The following MON2 variants were observed in gnomAD, a reference collection of about 807,000 sequenced individuals.
MON2 encodes protein MON2 homolog.
MON2 carries 84 observed loss-of-function variants against 208.6 expected under a neutral mutation model. The observed-to-expected ratio is 0.40, with a 90% CI of 0.34 to 0.48. MON2 has a LOEUF of 0.48. Ranked by LOEUF, MON2 falls within the 20% of genes least tolerant of loss-of-function variation. MON2 has a pLI of 0.59. For synonymous variants in MON2, 660 were observed against 694.0 expected (o/e 0.95, Z 0.77); for missense variants, 1,611 against 2,015.4 (o/e 0.80, Z 3.84).
chr12:62,571,660 A>AAAG, intron 30 of MON2, 78 bp downstream of exon 30: 1 of 1,175,244 alleles, frequency 8.5e-7, no homozygotes, highest in Non-Finnish European at 1.2e-6. Flanking sequence ...AGTTGTCTTT[A>AAAG]TTCATTAACA....
intron 5 of MON2, among the ~76,000 whole-genome samples, chr12:62,499,279 G>A (rs898018894): frequency 2.6e-5 from 4 of 152,096 alleles, no homozygotes; most frequent in African/African-American, 7.2e-5. Flanking sequence ...TTTAAACCAA[G>A]TATTGCATTA....
chr12:62,486,500 A>G (rs371271871), intron 2 of MON2, among the ~76,000 whole-genome samples: 1 of 152,166 alleles, frequency 6.6e-6, no homozygotes, highest in Non-Finnish European at 1.5e-5. Context: ...CAGAGCCCAT[A>G]TACTTGAGGA....
Position 62,501,651 on chromosome 12 carries a change from G to A in MON2, c.742G>A (p.Glu248Lys), listed in dbSNP as rs770967560. ...MTEMTRTFGL[E>K]LLESVLNDFP... ...AGAAATGACTCGGACGTTTGGCCTC[G>A]AATTACTTGAGTCAGTCCTCAATGA... The change falls in exon 7 of 35, where the codon GAA becomes AAA. Residue 248 changes from glutamate to lysine, a missense_variant. Glu to Lys is a moderately conservative substitution (Grantham distance 56). Coordinates refer to ENST00000393630, the MANE Select transcript of MON2 (RefSeq NM_015026.3). 6.2e-7 allele frequency: 1 copy of A among 1,614,134 alleles called. No individual in the cohort carries two copies. The highest frequency in any genetic ancestry group is 8.5e-7 in the Non-Finnish European group (1 of 1,180,002).
intron 12 of MON2, among the ~76,000 whole-genome samples, chr12:62,533,946 C>T (rs1481456691): frequency 6.6e-6 from 1 of 152,174 alleles, no homozygotes; most frequent in African/African-American, 2.4e-5. Flanking sequence ...GGAACCTGCT[C>T]ACATTTTGCT....
intron 8 of MON2, among the ~76,000 whole-genome samples, chr12:62,510,165 A>T (rs1211772929): frequency 6.6e-6 from 1 of 152,178 alleles, no homozygotes; most frequent in African/African-American, 2.4e-5. Flanking sequence ...TTAATAATGA[A>T]AAACCTTCCA....
intron 23 of MON2, among the ~76,000 whole-genome samples, chr12:62,550,909 CTTTTTTTTTTTTT>C (rs869160726): frequency 1.4e-4 from 6 of 43,810 alleles, no homozygotes; most frequent in Admixed American, 7.3e-4. Flanking sequence ...TTCTTTCTTT[CTTTTTTTTTTTTT>C]TTTTTTTTTT....
chr12:62,507,702 C>A (rs1337099530), intron 7 of MON2, among the ~76,000 whole-genome samples: 1 of 152,148 alleles, frequency 6.6e-6, no homozygotes, highest in Non-Finnish European at 1.5e-5. Context: ...TTACTTACTT[C>A]TAAAATCATT....
At chr12:62,513,671 G>A (rs2071532181) in intron 8 of MON2, among the ~76,000 whole-genome samples, 1 of 152,024 alleles carries the variant, frequency 6.6e-6, no homozygotes, top group African/African-American at 2.4e-5. Flanking sequence ...TGCCGGCTGA[G>A]TGTGGTGGCT....
At chr12:62,555,844 A>G (rs1019420059) in intron 24 of MON2, 150 bp from the exon 25 acceptor site, 4 of 592,890 alleles carry the variant, frequency 6.7e-6, no homozygotes, top group Non-Finnish European at 1.2e-5. Context: ...TAATTACTCT[A>G]TTGGTCAGTT....
At chr12:62,506,244 T>C (rs2071090929) in intron 7 of MON2, among the ~76,000 whole-genome samples, 1 of 152,204 alleles carries the variant, frequency 6.6e-6, no homozygotes, top group African/African-American at 2.4e-5. Flanking sequence ...TAATTTCAAA[T>C]CACTTATCTC....
intron 1 of MON2, among the ~76,000 whole-genome samples, chr12:62,469,807 A>G (rs908004287): frequency 1.3e-5 from 2 of 152,100 alleles, no homozygotes; most frequent in African/African-American, 4.8e-5. Context: ...TAGTTAACAG[A>G]GACATTTTAT....
chr12:62,511,293 T>A (rs1047716653), intron 8 of MON2, among the ~76,000 whole-genome samples: 1 of 152,196 alleles, frequency 6.6e-6, no homozygotes, highest in South Asian at 2.1e-4. Flanking sequence ...GGACCCCAAA[T>A]TGCCAAAACT....
chr12:62,466,859 C>T lies in MON2; in HGVS notation c.-349C>T. The T allele has an allele frequency of 2.2e-6, 1 of 447,686 alleles. No individual in the cohort carries two copies. The highest frequency in any genetic ancestry group is 4.0e-6 in the Non-Finnish European group (1 of 253,078). The allele number at this position is 447,686 out of a possible 1,614,324, so 27.7% of individuals were successfully genotyped here. ...TAATGGCGTCGGCGAGTCTTAGGGG[C>T]CTGGGGAGCTGGCGCTGAAGCTTCT... On this transcript the variant is annotated 5_prime_UTR_variant, in exon 1 of 35. Coordinates refer to ENST00000393630, the MANE Select transcript of MON2 (RefSeq NM_015026.3).
At chr12:62,585,093 ACACACACACACACACACAAAAC>A (rs1565714463) in intron 32 of MON2, among the ~76,000 whole-genome samples, 179 bp from the exon 33 acceptor site, 25 of 114,042 alleles carry the variant, frequency 2.2e-4, no homozygotes, top group African/African-American at 7.4e-4. Context: ...ACACACACAC[ACACACACACACACACACAAAAC>A]AAAAAAAAAC....
chr12:62,481,641 C>T (rs1044088950), intron 1 of MON2, among the ~76,000 whole-genome samples: 23 of 152,104 alleles, frequency 1.5e-4, no homozygotes, highest in Non-Finnish European at 7.3e-5. Flanking sequence ...ATACACTGCC[C>T]AAGTAATCAG....
intron 30 of MON2, among the ~76,000 whole-genome samples, chr12:62,574,087 T>C (rs566888550): frequency 2.2e-4 from 33 of 152,246 alleles, no homozygotes; most frequent in African/African-American, 7.9e-4. Context: ...AGTGACTCAT[T>C]TTTCCTCATC....
Position 62,580,306 on chromosome 12 carries a change from CT to C in MON2, c.4587del (p.Ile1530SerfsTer20). 6.2e-7 allele frequency: 1 copy of C among 1,610,278 alleles called. No individual in the cohort carries two copies. Among genetic ancestry groups the C allele is most frequent in the Non-Finnish European group, 8.5e-7 (1 of 1,178,024 alleles). ...GCCTCTTTTGTTTTAGGTAGTTCAA[CT>C]TATCAGCAATGAGATACTACCTTAT... ...NENIDVEVVQ[L>X]ISNEILPYAN... On this transcript the variant is annotated frameshift_variant, in exon 32 of 35. Transcript: ENST00000393630. LOFTEE classifies it high-confidence loss of function.
chr12:62,541,156 CG>C (rs749208460), intron 19 of MON2, among the ~76,000 whole-genome samples: 31 of 151,936 alleles, frequency 2.0e-4, no homozygotes, highest in Non-Finnish European at 3.2e-4. Context: ...CTGAGGTGGG[CG>C]GATCACCTGA....
At chr12:62,537,457 T>C (rs972100399) in intron 15 of MON2, 145 bp from the exon 16 acceptor site, 16 of 697,018 alleles carry the variant, frequency 2.3e-5, no homozygotes, top group Non-Finnish European at 2.8e-5. Context: ...TTTAATCAAA[T>C]GAATTGTTCC....
Sources: gnomAD v4.1 joint callset for allele counts (sites outside exome capture counted in the v4.1 genomes callset) on GRCh38, gnomAD v4.1.1 for gene constraint, MANE v1.5 for transcripts, NCBI Gene and HGNC (gene_info 2026-07-23, HGNC 2026-07-21) for gene names.